The following CEMIP variants were observed in gnomAD, a reference collection of about 807,000 sequenced individuals.
CEMIP encodes cell migration inducing hyaluronidase 1.
CEMIP carries 105 observed loss-of-function variants against 156.9 expected under a neutral mutation model. The ratio of observed to expected loss-of-function variants is 0.67; its 90% CI spans 0.57 to 0.79. CEMIP has a LOEUF of 0.79. Ranked by LOEUF, CEMIP falls within the 30% of genes least tolerant of loss-of-function variation. The pLI is 0.00. For missense variants in CEMIP, 1,457 were observed against 1,769.4 expected (o/e 0.82, Z 3.17); for synonymous variants, 676 against 668.4 (o/e 1.01, Z -0.17).
At chr15:80,844,950 G>A (rs761468318) in intron 1 of CEMIP, among the ~76,000 whole-genome samples, 2 of 152,132 alleles carry the variant, frequency 1.3e-5, no homozygotes, top group Non-Finnish European at 2.9e-5. Flanking sequence ...TTCTTTAAGT[G>A]TTAGAAGGAC....
At chr15:80,908,295 C>T (rs1467580421) in intron 13 of CEMIP, among the ~76,000 whole-genome samples, 1 of 152,146 alleles carries the variant, frequency 6.6e-6, no homozygotes, top group Non-Finnish European at 1.5e-5. Flanking sequence ...TCAAACTAGC[C>T]CTCAGAATCA....
intron 3 of CEMIP, 126 bp from the exon 4 acceptor site, chr15:80,878,595 G>C: frequency 8.0e-7 from 1 of 1,242,242 alleles, no homozygotes; most frequent in Non-Finnish European, 1.1e-6. Flanking sequence ...CTAAGGTCTT[G>C]CTTTTAGCTC....
rs1028884403 is a variant in CEMIP at position 80,906,983 on chromosome 15, G to A, written c.1587+145G>A. 3 of 833,836 alleles carry A rather than the reference G, an allele frequency of 3.6e-6. No individual in the cohort carries two copies. The highest frequency in any genetic ancestry group is 5.9e-6 in the Non-Finnish European group (3 of 511,964). 51.7% of individuals were successfully genotyped at this position (833,836 alleles called of 1,614,324 possible). A position where few individuals can be genotyped will look rare whatever the true frequency, so the allele number is the denominator to read the frequency against. On this transcript the variant is annotated intron_variant, in intron 13 of 29. Coordinates refer to ENST00000394685, the MANE Select transcript of CEMIP (RefSeq NM_001293298.2). This position sits in a 1 kb window ranked among gnomAD's most constrained non-coding sequence, Gnocchi z 4.3. ...AGGGCGCCTTCTGGAAGTTTGAGAA[G>A]TCTTATGTATTATCCATTAGTGTGC... is the stretch of plus-strand genomic sequence containing the variant.
At chr15:80,873,176 G>C (rs561111630) in intron 1 of CEMIP, among the ~76,000 whole-genome samples, 37 of 152,286 alleles carry the variant, frequency 2.4e-4, no homozygotes, top group Non-Finnish European at 4.6e-4. Flanking sequence ...CTTTATTCTA[G>C]GTAGCCATGT....
chr15:80,922,313 C>A (rs1348707102), intron 17 of CEMIP, among the ~76,000 whole-genome samples, 176 bp downstream of exon 17: 1 of 152,238 alleles, frequency 6.6e-6, no homozygotes, highest in Non-Finnish European at 1.5e-5. Flanking sequence ...TGGCCACATT[C>A]TTCAACACAA....
chr15:80,947,122 G>A (rs1901591102), intron 29 of CEMIP, 57 bp downstream of exon 29: 1 of 1,094,462 alleles, frequency 9.1e-7, no homozygotes, highest in African/African-American at 1.5e-5. Context: ...GCAAATGCCT[G>A]GCATGGAGGG....
rs1227281575 is a variant in CEMIP, at chr15:80,942,109, C to A, written c.3612+56C>A. On this transcript the variant is annotated intron_variant, in intron 26 of 29. Coordinates refer to ENST00000394685, the MANE Select transcript of CEMIP (RefSeq NM_001293298.2). ...TTTGCCGTCCAGTCGGGCCTAGAGC[C>A]CTTTGCCGTCCAGTCGGGCCCAGAC... 24 of 1,568,584 alleles carry A rather than the reference C, an allele frequency of 1.5e-5. No homozygotes were observed. In the East Asian group the frequency reaches 5.4e-4, roughly 35 times the overall value.
chr15:80,840,225 G>A (rs187415065), intron 1 of CEMIP, among the ~76,000 whole-genome samples: 1 of 152,318 alleles, frequency 6.6e-6, no homozygotes, highest in Admixed American at 6.5e-5. Flanking sequence ...ATGTGGAAGT[G>A]TGATAGAGGA....
At chr15:80,866,620 T>A (rs1267174276) in intron 1 of CEMIP, among the ~76,000 whole-genome samples, 1 of 141,994 alleles carries the variant, frequency 7.0e-6, no homozygotes, top group Admixed American at 7.1e-5. Flanking sequence ...AATAAATAAA[T>A]AAATAAATAA....
At chr15:80,905,581 CAG>C (rs1030891315) in intron 12 of CEMIP, among the ~76,000 whole-genome samples, 1 of 152,076 alleles carries the variant, frequency 6.6e-6, no homozygotes, top group Non-Finnish European at 1.5e-5. Flanking sequence ...GGAGAGAAAA[CAG>C]AGGGGTTAGG....
At chr15:80,881,222 T>C in intron 6 of CEMIP, 86 bp downstream of exon 6, 1 of 1,175,596 alleles carries the variant, frequency 8.5e-7, no homozygotes, top group Non-Finnish European at 1.3e-6. Flanking sequence ...CCGCTCTAGG[T>C]GCTGGGAGAA....
rs1015256719 is a variant in CEMIP, at chr15:80,933,235, C to A, written c.2794-10C>A. On this transcript the variant is annotated splice_polypyrimidine_tract_variant and intron_variant, in intron 22 of 29. Coordinates refer to ENST00000394685, the MANE Select transcript of CEMIP (RefSeq NM_001293298.2). Reference sequence around the variant, plus strand: ...TCTAGCCCTGCCTAACTTTCCTGGGCTCTGTTTAGATTACTTCCAGAGTGT... The same window carrying A: ...TCTAGCCCTGCCTAACTTTCCTGGGATCTGTTTAGATTACTTCCAGAGTGT... 1.2e-6 allele frequency: 2 copies of A among 1,612,942 alleles called. No homozygotes were observed. Among genetic ancestry groups the A allele is most frequent in the Non-Finnish European group, 1.7e-6 (2 of 1,178,904 alleles).
Position 80,949,055 on chromosome 15 carries a change from T to C in CEMIP, c.*131T>C. On this transcript the variant is annotated 3_prime_UTR_variant, in exon 30 of 30. Coordinates refer to ENST00000394685, the MANE Select transcript of CEMIP (RefSeq NM_001293298.2). The stretch of plus-strand genomic sequence containing the variant: ...TGGGAAGGCCGTGTTTCAGCCCTGA[T>C]GGGCCAAGGGAAGGCTATCAGAGAC... 2.4e-6 allele frequency: 3 copies of C among 1,239,866 alleles called. No homozygotes were observed. The highest frequency in any genetic ancestry group is 3.5e-6 in the Non-Finnish European group (3 of 851,818). 76.8% of individuals were successfully genotyped at this position (1,239,866 alleles called of 1,614,324 possible). A position where few individuals can be genotyped will look rare whatever the true frequency, so the allele number is the denominator to read the frequency against.
chr15:80,931,693 G>C (rs1282097914), intron 21 of CEMIP, among the ~76,000 whole-genome samples, 166 bp from the exon 22 acceptor site: 2 of 151,148 alleles, frequency 1.3e-5, no homozygotes, highest in Non-Finnish European at 2.9e-5. Flanking sequence ...ATCTGGGGCA[G>C]GGGGAGTTTC....
intron 1 of CEMIP, among the ~76,000 whole-genome samples, chr15:80,794,089 A>G (rs1896154545): frequency 6.6e-6 from 1 of 152,224 alleles, no homozygotes; most frequent in African/African-American, 2.4e-5. Flanking sequence ...AAGACCCTCC[A>G]GCAGTTTATC....
Position 80,843,090 on chromosome 15 carries a change from T to A in CEMIP, c.-175-30448T>A, listed in dbSNP as rs1222366163. 2.6e-5 allele frequency among the ~76,000 whole-genome samples: 4 copies of A among 152,202 alleles called. No homozygotes were observed. In the East Asian group the frequency reaches 7.7e-4, roughly 29 times the overall value. ...GGGACAACCAGGTAGAACCATCCCA[T>A]AAATGATAACAGTGAACTCACTACA... is the stretch of plus-strand genomic sequence containing the variant. On this transcript the variant is annotated intron_variant, in intron 1 of 29. Coordinates refer to ENST00000394685, the MANE Select transcript of CEMIP (RefSeq NM_001293298.2).
intron 10 of CEMIP, among the ~76,000 whole-genome samples, chr15:80,893,608 T>A (rs553792273): frequency 6.6e-6 from 1 of 152,272 alleles, no homozygotes; most frequent in South Asian, 2.1e-4. Context: ...TGAGCTTACA[T>A]CTGAACCCCT....
chr15:80,924,978 G>C (rs1452213997), intron 18 of CEMIP, among the ~76,000 whole-genome samples: 1 of 152,224 alleles, frequency 6.6e-6, no homozygotes, highest in Non-Finnish European at 1.5e-5. Context: ...CAGCAGAAAT[G>C]AGCAGGGCCA....
In CEMIP at chr15:80,949,292, G is replaced by A; in HGVS notation, c.*368G>A. On this transcript the variant is annotated 3_prime_UTR_variant, in exon 30 of 30. Transcript: ENST00000394685. ...GGCAGGAGCCCTGACCCAGCTAGGAGGTAGTCTGGAGGGCTGGTCATTCAC... is the reference window on the plus strand; with the variant it reads ...GGCAGGAGCCCTGACCCAGCTAGGAAGTAGTCTGGAGGGCTGGTCATTCAC... 2.7e-6 allele frequency: 1 copy of A among 366,448 alleles called. No homozygotes were observed. Among genetic ancestry groups the A allele is most frequent in the Non-Finnish European group, 5.3e-6 (1 of 188,502 alleles). The allele number at this position is 366,448 out of a possible 1,614,324, so 22.7% of individuals were successfully genotyped here.
Sources: allele counts gnomAD v4.1 joint callset (sites outside exome capture counted in the v4.1 genomes callset), GRCh38; gene constraint gnomAD v4.1.1; non-coding constraint Gnocchi (gnomAD v3.1); transcripts MANE v1.5; gene names NCBI Gene and HGNC (gene_info 2026-07-23, HGNC 2026-07-21).